Variants in NEIL2 observed in about 807,000 individuals in gnomAD.
The protein encoded by NEIL2 is endonuclease 8-like 2.
NEIL2 carries 23 observed loss-of-function variants against 22.2 expected under a neutral mutation model. That is an observed-to-expected ratio of 1.04 (90% confidence interval 0.75 to 1.47). The LOEUF is 1.47. Among genes scored for constraint, NEIL2 ranks in the 40% most tolerant of loss-of-function variants. The probability of loss-of-function intolerance (pLI) is 0.00; values close to 1 mark genes in which losing one functional copy is unlikely to be tolerated. For synonymous variants in NEIL2, 229 were observed against 164.8 expected (o/e 1.39, Z -2.99); for missense variants, 583 against 404.7 (o/e 1.44, Z -3.78).
In NEIL2 at chr8:11,787,220, A is replaced by G. The variant is rs537645304; in HGVS notation, c.*947A>G. ...GCTTGTTTACTCCTTAAGTCAATGT[A>G]TTGGTGACTGTTGATTTGTTGAACA... On this transcript the variant is annotated 3_prime_UTR_variant, in exon 5 of 5. Transcript: ENST00000284503. The G allele has an allele frequency of 7.9e-5, 12 of 152,746 alleles. No individual in the cohort carries two copies. The highest frequency in any genetic ancestry group is 2.6e-4 in the African/African-American group (11 of 41,538). 9.5% of individuals were successfully genotyped at this position (152,746 alleles called of 1,614,324 possible).
chr8:11,777,278 C>G (rs1191021777), intron 2 of NEIL2, among the ~76,000 whole-genome samples: 1 of 152,072 alleles, frequency 6.6e-6, no homozygotes, highest in Non-Finnish European at 1.5e-5. Flanking sequence ...CAGGCATGAG[C>G]CACTGTGCCT....
intron 4 of NEIL2, among the ~76,000 whole-genome samples, chr8:11,784,579 T>C (rs771879717): frequency 6.6e-6 from 1 of 152,098 alleles, no homozygotes; most frequent in Admixed American, 6.6e-5. Context: ...ACCCACTCAC[T>C]CCAAACACAC....
Position 11,786,687 on chromosome 8 carries a change from T to A in NEIL2, c.*414T>A, listed in dbSNP as rs189718696. 1.8e-4 allele frequency: 46 copies of A among 257,656 alleles called. No homozygotes were observed. The highest frequency in any genetic ancestry group is 1.0e-3 in the African/African-American group (44 of 42,810). The allele number at this position is 257,656 out of a possible 1,614,324, so 16.0% of individuals were successfully genotyped here. On this transcript the variant is annotated 3_prime_UTR_variant, in exon 5 of 5. Coordinates refer to ENST00000284503, the MANE Select transcript of NEIL2 (RefSeq NM_145043.4). ...GAGAGTCTTGCTCTGTCTCCCTGGC[T>A]AGGGTGTGGTGGTGTGATCTTGGCT...
At chr8:11,781,925 G>A (rs1398056331) in intron 3 of NEIL2, among the ~76,000 whole-genome samples, 1 of 152,006 alleles carries the variant, frequency 6.6e-6, no homozygotes, top group African/African-American at 2.4e-5. Flanking sequence ...TTAACCGGGT[G>A]TGGGGGTGCA....
rs1481095445 is a variant in NEIL2 at position 11,771,692 on chromosome 8, C to T, written c.138+107C>T. 3 of 1,200,310 alleles carry T rather than the reference C, an allele frequency of 2.5e-6. No homozygotes were observed. In the East Asian group the frequency reaches 7.1e-5, roughly 28 times the overall value. The allele number at this position is 1,200,310 out of a possible 1,614,324, so 74.4% of individuals were successfully genotyped here. ...TGTCACTTCCCTGAGTCCGGAACCA[C>T]CAAGCTCGGACTCCATGCAGCTCCC... On this transcript the variant is annotated intron_variant, in intron 2 of 4. Coordinates refer to ENST00000284503, the MANE Select transcript of NEIL2 (RefSeq NM_145043.4).
chr8:11,781,151 T>C (rs1267894988), intron 3 of NEIL2, among the ~76,000 whole-genome samples: 1 of 142,112 alleles, frequency 7.0e-6, no homozygotes, highest in Non-Finnish European at 1.5e-5. Context: ...CTTGTAAAAA[T>C]GTTTAGAAGT....
At chr8:11,774,266 T>G (rs967249419) in intron 2 of NEIL2, among the ~76,000 whole-genome samples, 3 of 152,008 alleles carry the variant, frequency 2.0e-5, no homozygotes, top group Admixed American at 2.0e-4. Context: ...TCCCAGCTAC[T>G]TGGGAGGCTG....
chr8:11,770,533 T>A (rs972757701), intron 1 of NEIL2, among the ~76,000 whole-genome samples, 198 bp downstream of exon 1: 2 of 152,228 alleles, frequency 1.3e-5, no homozygotes, highest in African/African-American at 4.8e-5. Context: ...TTCTTAGATT[T>A]TAAAAGTATT....
chr8:11,775,007 C>T lies in NEIL2; in HGVS notation c.138+3422C>T, dbSNP rs534694393. Among the ~76,000 whole-genome samples, 34 of 152,334 alleles carry T rather than the reference C, an allele frequency of 2.2e-4. No homozygotes were observed. In the East Asian group the frequency reaches 3.9e-3, roughly 17 times the overall value. On this transcript the variant is annotated intron_variant, in intron 2 of 4. Coordinates refer to ENST00000284503, the MANE Select transcript of NEIL2 (RefSeq NM_145043.4). ...TCTGTGTGTTTTCCAGGGCAGGGTG[C>T]AAGCTGTCAGTAGATCTACCATTCT...
At chr8:11,771,824 G>A (rs530719284) in intron 2 of NEIL2, among the ~76,000 whole-genome samples, 82 of 152,342 alleles carry the variant, frequency 5.4e-4, no homozygotes, top group African/African-American at 1.3e-3. Context: ...AGGGTCTGGA[G>A]TGCTCCTATT....
chr8:11,781,545 G>C (rs1020435964), intron 3 of NEIL2, among the ~76,000 whole-genome samples: 21 of 152,222 alleles, frequency 1.4e-4, no homozygotes, highest in Non-Finnish European at 2.9e-4. Context: ...TTAGTCACCA[G>C]CTGGAGGCAT....
intron 3 of NEIL2, among the ~76,000 whole-genome samples, chr8:11,781,199 G>A (rs540769496): frequency 2.3e-4 from 35 of 152,250 alleles, no homozygotes; most frequent in African/African-American, 8.2e-4. Context: ...AGGTACCATA[G>A]GATGCTATGG....
chr8:11,780,049 C>G (rs1804277925), intron 3 of NEIL2, 99 bp downstream of exon 3: 3 of 999,816 alleles, frequency 3.0e-6, no homozygotes, highest in Non-Finnish European at 4.6e-6. Context: ...CTGAGGACGT[C>G]CAGTCTGCCC....
Position 11,783,107 on chromosome 8 carries a change from T to C in NEIL2, c.492-96T>C, listed in dbSNP as rs372816531. The C allele has an allele frequency of 2.2e-4, 211 of 980,170 alleles. No individual in the cohort carries two copies. In the African/African-American group the frequency reaches 2.5e-3, roughly 12 times the overall value. 60.7% of individuals were successfully genotyped at this position (980,170 alleles called of 1,614,324 possible). A position where few individuals can be genotyped will look rare whatever the true frequency, so the allele number is the denominator to read the frequency against. On this transcript the variant is annotated intron_variant, in intron 3 of 4. Transcript: ENST00000284503. ...TGTGCTCTATGTTGTGGTAACGATG[T>C]GGGGATGTGTGTATGTGTGTATGAC...
intron 4 of NEIL2, among the ~76,000 whole-genome samples, chr8:11,784,167 A>C (rs777924259): frequency 6.6e-6 from 1 of 152,172 alleles, no homozygotes; most frequent in African/African-American, 2.4e-5. Context: ...ACCCTTCACG[A>C]GGGTCGGAGG....
chr8:11,775,879 G>T (rs1803865743), intron 2 of NEIL2, among the ~76,000 whole-genome samples: 1 of 152,160 alleles, frequency 6.6e-6, no homozygotes, highest in South Asian at 2.1e-4. Context: ...TCAGCATTTT[G>T]ATCAAAGCCA....
At chr8:11,780,387 T>G (rs879257388) in intron 3 of NEIL2, among the ~76,000 whole-genome samples, 1 of 152,206 alleles carries the variant, frequency 6.6e-6, no homozygotes, top group Non-Finnish European at 1.5e-5. Flanking sequence ...TGAGTTTTTT[T>G]GCTTTGTTTT....
At chr8:11,772,435 A>G (rs995638209) in intron 2 of NEIL2, among the ~76,000 whole-genome samples, 5 of 151,536 alleles carry the variant, frequency 3.3e-5, no homozygotes, top group African/African-American at 1.2e-4. Flanking sequence ...TTTTCTCCCA[A>G]CTCTGCCCCT....
Position 11,779,721 on chromosome 8 carries a change from C to G in NEIL2, c.262C>G (p.Gln88Glu), listed in dbSNP as rs1279538707. Residue 88 changes from glutamine (Q) to glutamate (E), a missense_variant, in exon 3 of 5, where the codon CAG becomes GAG. By Grantham distance (29) the Gln-to-Glu change is conservative. Transcript: ENST00000284503. Reference sequence around the variant, plus strand: ...GAAGGAAGGGGCTGCGGACCCAAAGCAGGTCGGGGAGCCCAGCGGGCAGAA... The same window carrying G: ...GAAGGAAGGGGCTGCGGACCCAAAGGAGGTCGGGGAGCCCAGCGGGCAGAA... Reference protein sequence around the residue: ...VQKEGAADPKQVGEPSGQKTL... With the variant: ...VQKEGAADPKEVGEPSGQKTL... 6.2e-7 allele frequency: 1 copy of G among 1,614,086 alleles called. No homozygotes were observed. Among genetic ancestry groups the G allele is most frequent in the Non-Finnish European group, 8.5e-7 (1 of 1,180,038 alleles).
Sources: allele counts gnomAD v4.1 joint callset (sites outside exome capture counted in the v4.1 genomes callset), GRCh38; gene constraint gnomAD v4.1.1; transcripts MANE v1.5; gene names NCBI Gene and HGNC (gene_info 2026-07-23, HGNC 2026-07-21).